RIF1: variants seen among roughly 807,000 people sequenced by gnomAD.
The protein encoded by RIF1 is telomere-associated protein RIF1.
A neutral mutation model predicts 247.1 loss-of-function variants in RIF1; 45 were observed. The observed-to-expected ratio is 0.18, with a 90% CI of 0.14 to 0.23. The LOEUF (loss-of-function observed/expected upper bound fraction) is 0.23. Among genes scored for constraint, RIF1 ranks in the 10% least tolerant of loss-of-function variants. The pLI, the probability that RIF1 is intolerant of heterozygous loss-of-function variation, is 1.00. For missense variants in RIF1, 2,967 were observed against 2,862.5 expected, an observed-to-expected ratio of 1.04 and a Z score of -0.83; for synonymous variants, 1,087 against 978.8, an observed-to-expected ratio of 1.11 and a Z score of -2.06.
At chr2:151,412,047 C>G (rs1021851370) in intron 3 of RIF1, among the ~76,000 whole-genome samples, 2 of 152,154 alleles carry the variant, frequency 1.3e-5, no homozygotes, top group African/African-American at 2.4e-5. Flanking sequence ...TGTCTTTGGT[C>G]TAATCTAGGT....
the RIF1 span, chr2:151,513,686 T>C: frequency 8.8e-6 from 14 of 1,594,850 alleles, no homozygotes; most frequent in Admixed American, 6.9e-5. Context: ...GTCTCGCTTA[T>C]ATTCTTTCTA....
At chr2:151,431,873 C>T (rs1354767162) in intron 9 of RIF1, among the ~76,000 whole-genome samples, 3 of 152,192 alleles carry the variant, frequency 2.0e-5, no homozygotes, top group Admixed American at 6.5e-5. Context: ...CTTGTTCATA[C>T]AGTGATAGCC....
chr2:151,425,660 CTTTTT>C (rs34032157), intron 8 of RIF1, among the ~76,000 whole-genome samples: 6 of 83,696 alleles, frequency 7.2e-5, no homozygotes, highest in African/African-American at 2.4e-4. Context: ...TTGTGGTACC[CTTTTT>C]TTTTTTTTTT....
At chr2:151,529,673 G>A in the RIF1 span, among the ~76,000 whole-genome samples, 1 of 152,080 alleles carries the variant, frequency 6.6e-6, no homozygotes, top group African/African-American at 2.4e-5. Flanking sequence ...TGGGACCACA[G>A]GCATGCGCCA....
intron 25 of RIF1, among the ~76,000 whole-genome samples, chr2:151,459,745 TTA>T (rs1326838711): frequency 6.6e-6 from 1 of 152,222 alleles, no homozygotes; most frequent in Non-Finnish European, 1.5e-5. Context: ...CTTTATGTGT[TTA>T]TGTGACATGT....
chr2:151,496,278 A>G lies in RIF1; in HGVS notation c.*513+952A>G, dbSNP rs983299147. The G allele has an allele frequency of 6.2e-6, 10 of 1,605,426 alleles. No homozygotes were observed. In the African/African-American group the frequency reaches 1.2e-4, roughly 19 times the overall value. ...TTTTTTCTTTTCTCGCCAAGTACCG[A>G]GCTAATATTTTCTTGATTGTGTTTG... On this transcript the variant is annotated intron_variant and NMD_transcript_variant, in intron 10 of 13. Coordinates refer to the RIF1 transcript ENST00000454583.
At chr2:151,469,886 A>T (rs562608388) in intron 34 of RIF1, 22 bp downstream of exon 34, 1 of 1,542,860 alleles carries the variant, frequency 6.5e-7, no homozygotes, top group East Asian at 2.3e-5. Context: ...GATATTAGCT[A>T]TGATGTATAT....
intron 3 of RIF1, among the ~76,000 whole-genome samples, chr2:151,413,709 C>T (rs567415828): frequency 2.0e-5 from 3 of 152,322 alleles, no homozygotes; most frequent in South Asian, 2.1e-4. Context: ...ATATCCCTTA[C>T]ATTCTGTACT....
the RIF1 span, chr2:151,534,224 C>A: frequency 6.2e-7 from 1 of 1,613,322 alleles, no homozygotes; most frequent in African/African-American, 1.3e-5. Context: ...CCTGACTGAT[C>A]TGGTCGCCTG....
At chr2:151,433,708 G>A (rs1423565285) in intron 10 of RIF1, among the ~76,000 whole-genome samples, 1 of 152,040 alleles carries the variant, frequency 6.6e-6, no homozygotes, top group Admixed American at 6.5e-5. Flanking sequence ...GCCCATGCCA[G>A]CCTCCCAAAA....
chr2:151,504,991 C>G (rs1222360571), intron 12 of RIF1, among the ~76,000 whole-genome samples: 1 of 152,070 alleles, frequency 6.6e-6, no homozygotes, highest in African/African-American at 2.4e-5. Flanking sequence ...GAAGAGACTT[C>G]ACATGTCTAC....
chr2:151,527,313 G>T, the RIF1 span, among the ~76,000 whole-genome samples: 1 of 152,174 alleles, frequency 6.6e-6, no homozygotes, highest in Non-Finnish European at 1.5e-5. Context: ...CCATGGGCAG[G>T]TTTGGGTTCT....
chr2:151,514,215 TTTTCTC>T, the RIF1 span: 11 of 774,726 alleles, frequency 1.4e-5, no homozygotes, highest in African/African-American at 1.9e-4. Context: ...AAAGCTCTGT[TTTTCTC>T]TGTTCTCTGT....
chr2:151,514,840 T>C, the RIF1 span: 11 of 1,581,418 alleles, frequency 7.0e-6, no homozygotes, highest in Non-Finnish European at 9.5e-6. Context: ...TTTAGTTGCA[T>C]ATTTGACATG....
At position 151,451,713 on chromosome 2, in the gene RIF1, T is replaced by C; in HGVS notation, c.2344+8T>C. On this transcript the variant is annotated splice_region_variant and intron_variant, in intron 21 of 35. Coordinates refer to ENST00000444746, the MANE Select transcript of RIF1 (RefSeq NM_018151.5). ...ATCAGCCCAAAGTTAAATGTAAGTA[T>C]GTATTTTTTAACCTTTGTTTGTCCA... is the stretch of plus-strand genomic sequence containing the variant. 1 of 1,338,674 alleles carries C rather than the reference T, an allele frequency of 7.5e-7. No homozygotes were observed. Among genetic ancestry groups the C allele is most frequent in the Non-Finnish European group, 1.1e-6 (1 of 932,382 alleles). 82.9% of individuals were successfully genotyped at this position (1,338,674 alleles called of 1,614,324 possible).
chr2:151,462,777 T>C, intron 29 of RIF1, 107 bp from the exon 30 acceptor site: 1 of 759,838 alleles, frequency 1.3e-6, no homozygotes, highest in East Asian at 2.6e-5. Flanking sequence ...ATGTCAGTGA[T>C]TATCTTTGGG....
chr2:151,491,432 T>C (rs2056545163), intron 9 of RIF1: 6 of 349,620 alleles, frequency 1.7e-5, no homozygotes, highest in South Asian at 1.4e-4. Flanking sequence ...TGTTTTTTCT[T>C]TGGAAGAAAA....
chr2:151,490,251 TC>T, intron 9 of RIF1: 1 of 1,313,370 alleles, frequency 7.6e-7, no homozygotes. Flanking sequence ...TCTAGTCTTT[TC>T]TCATTAAAGG....
At chr2:151,472,628 T>A (rs2048632163) in intron 34 of RIF1, among the ~76,000 whole-genome samples, 1 of 152,208 alleles carries the variant, frequency 6.6e-6, no homozygotes, top group Non-Finnish European at 1.5e-5. Flanking sequence ...ATTGAGATAA[T>A]CATGTGGTTT....
Sources: gnomAD v4.1 joint callset for allele counts (sites outside exome capture counted in the v4.1 genomes callset) on GRCh38, gnomAD v4.1.1 for gene constraint, MANE v1.5 for transcripts, NCBI Gene and HGNC (gene_info 2026-07-23, HGNC 2026-07-21) for gene names.